PNKD: variants seen among roughly 807,000 people sequenced by gnomAD.
PNKD encodes the protein PNKD metallo-beta-lactamase domain containing.
PNKD carries 36 observed loss-of-function variants against 45.3 expected under a neutral mutation model. The ratio of observed to expected loss-of-function variants is 0.80; its 90% CI spans 0.61 to 1.05. The LOEUF (loss-of-function observed/expected upper bound fraction) is 1.05. Ranked by LOEUF, PNKD falls within the 50% of genes least tolerant of loss-of-function variation. The probability of loss-of-function intolerance (pLI) is 0.00; values close to 1 mark genes in which losing one functional copy is unlikely to be tolerated. For missense variants in PNKD, 511 were observed against 506.6 expected (o/e 1.01, Z -0.08); for synonymous variants, 197 against 210.1 (o/e 0.94, Z 0.54).
At chr2:218,276,009 G>T (rs377493085) in intron 2 of PNKD, 86 of 1,608,764 alleles carry the variant, frequency 5.3e-5, no homozygotes, top group Non-Finnish European at 7.1e-5. Flanking sequence ...CCTTCCTAGA[G>T]TGGGGCTGGG....
chr2:218,325,227 C>T (rs1221502200), intron 2 of PNKD, among the ~76,000 whole-genome samples: 7 of 57,306 alleles, frequency 1.2e-4, no homozygotes, highest in East Asian at 6.8e-4. Context: ...TTTTTTGAGA[C>T]GGGCTCTTGC....
chr2:218,278,817 G>T (rs570943410), intron 2 of PNKD, among the ~76,000 whole-genome samples: 27 of 152,342 alleles, frequency 1.8e-4, no homozygotes, highest in Non-Finnish European at 3.1e-4. Flanking sequence ...GCAGCGCAGC[G>T]TGCACGCCAC....
In PNKD at chr2:218,287,602, C is replaced by T. The variant is rs145132238; in HGVS notation, c.236+16053C>T. Among the ~76,000 whole-genome samples the T allele has an allele frequency of 5.6e-3, 853 of 152,222 alleles. 7 individuals carry two copies. The highest frequency in any genetic ancestry group is 0.019 in the African/African-American group (790 of 41,546). ...TCCCACACCTGAAGTCCCAGCTACT[C>T]GGGAGGCTGAGGCAGGGGGATCGCT... On this transcript the variant is annotated intron_variant, in intron 2 of 9. Transcript: ENST00000273077.
intron 5 of PNKD, 37 bp from the exon 6 acceptor site, chr2:218,341,497 C>A (rs1227096228): frequency 7.3e-7 from 1 of 1,367,778 alleles, no homozygotes; most frequent in Non-Finnish European, 1.0e-6. Context: ...GTACAGTTGC[C>A]CCTCGAAGCC....
intron 2 of PNKD, among the ~76,000 whole-genome samples, chr2:218,304,988 A>G (rs1256161944): frequency 6.6e-6 from 1 of 151,988 alleles, no homozygotes; most frequent in Non-Finnish European, 1.5e-5. Flanking sequence ...CAGGAGAATC[A>G]CTTGAACCTG....
chr2:218,329,131 A>T (rs1443621848), intron 2 of PNKD, among the ~76,000 whole-genome samples: 1 of 152,130 alleles, frequency 6.6e-6, no homozygotes, highest in African/African-American at 2.4e-5. Flanking sequence ...ATCGCTTCAA[A>T]CTGGGAGGCA....
chr2:218,280,225 C>A, intron 2 of PNKD: 1 of 881,300 alleles, frequency 1.1e-6, no homozygotes, highest in Non-Finnish European at 1.9e-6. Context: ...GATCTCCAGC[C>A]AAAAGACAAG....
At chr2:218,295,159 C>A (rs1693111683) in intron 2 of PNKD, among the ~76,000 whole-genome samples, 1 of 152,324 alleles carries the variant, frequency 6.6e-6, no homozygotes, top group South Asian at 2.1e-4. Context: ...AAGCGCCTGG[C>A]CCAGAGCAGC....
chr2:218,289,328 T>A (rs1427948590), intron 2 of PNKD, among the ~76,000 whole-genome samples: 1 of 152,122 alleles, frequency 6.6e-6, no homozygotes, highest in Non-Finnish European at 1.5e-5. Flanking sequence ...AGTTTTAACA[T>A]CAGTAAGACA....
intron 2 of PNKD, among the ~76,000 whole-genome samples, chr2:218,331,971 C>T (rs1337902231): frequency 6.6e-6 from 1 of 152,108 alleles, no homozygotes; most frequent in Non-Finnish European, 1.5e-5. Context: ...GGGGTTTCCG[C>T]CCTTTCACTC....
rs143173370 is a variant in PNKD, at chr2:218,275,482, C to T, written c.236+3933C>T. 23 of 1,612,340 alleles carry T rather than the reference C, an allele frequency of 1.4e-5. No homozygotes were observed. In the East Asian group the frequency reaches 3.8e-4, roughly 27 times the overall value. ...AAAATGGGGGCTTGCTCCTTAATTG[C>T]GATCCCCCATCAGCTGCAGCACAAA... On this transcript the variant is annotated intron_variant, in intron 2 of 9. Coordinates refer to ENST00000273077, the MANE Select transcript of PNKD (RefSeq NM_015488.5).
chr2:218,323,362 G>A (rs774105686), intron 2 of PNKD: 3 of 1,581,460 alleles, frequency 1.9e-6, no homozygotes, highest in South Asian at 1.1e-5. Context: ...AGCCCCCGCG[G>A]CTGCCGAGCG....
At chr2:218,270,690 C>T (rs540357644) in intron 1 of PNKD, 88 bp downstream of exon 1, 1 of 443,296 alleles carries the variant, frequency 2.3e-6, no homozygotes, top group Non-Finnish European at 4.0e-6. Flanking sequence ...GGTCAGGGCT[C>T]TTGGTTCCTC....
At chr2:218,276,809 C>T (rs570486715) in intron 2 of PNKD, among the ~76,000 whole-genome samples, 2 of 152,218 alleles carry the variant, frequency 1.3e-5, no homozygotes, top group East Asian at 3.9e-4. Context: ...GCTCCAAGGC[C>T]GCCCATCTCC....
At chr2:218,273,401 A>G (rs1282473193) in intron 2 of PNKD, among the ~76,000 whole-genome samples, 1 of 149,550 alleles carries the variant, frequency 6.7e-6, no homozygotes, top group East Asian at 2.0e-4. Context: ...CCTCCTGAGT[A>G]GCTGGGACCC....
intron 2 of PNKD, among the ~76,000 whole-genome samples, chr2:218,298,029 A>T (rs1280794548): frequency 6.6e-6 from 1 of 151,086 alleles, no homozygotes; most frequent in Non-Finnish European, 1.5e-5. Context: ...GAGAAATCAT[A>T]CTGCATTTCT....
intron 7 of PNKD, among the ~76,000 whole-genome samples, chr2:218,342,479 C>T (rs1247016099): frequency 6.6e-6 from 1 of 151,942 alleles, no homozygotes. Context: ...GTGGGAGGAT[C>T]ACCTGAGGTC....
At chr2:218,325,897 G>A (rs11885588) in intron 2 of PNKD, among the ~76,000 whole-genome samples, 13,111 of 152,228 alleles carry the variant, frequency 0.086, 1,801 homozygotes, top group African/African-American at 0.29. Context: ...GGGTGCGCCT[G>A]GAGTCAGAAT....
chr2:218,337,925 A>T (rs1694547757), intron 2 of PNKD, among the ~76,000 whole-genome samples: 1 of 150,428 alleles, frequency 6.6e-6, no homozygotes, highest in South Asian at 2.1e-4. Flanking sequence ...AAGGTGGGCA[A>T]ATCACGAGGT....
Sources: allele counts gnomAD v4.1 joint callset (sites outside exome capture counted in the v4.1 genomes callset), GRCh38; gene constraint gnomAD v4.1.1; transcripts MANE v1.5; gene names NCBI Gene and HGNC (gene_info 2026-07-23, HGNC 2026-07-21).